The following SDK1 variants were observed in gnomAD, a reference collection of about 807,000 sequenced individuals.
SDK1 encodes protein sidekick-1.
A neutral mutation model predicts 245.5 loss-of-function variants in SDK1; 157 were observed. The observed-to-expected ratio is 0.64, with a 90% CI of 0.56 to 0.73. The LOEUF is 0.73. Ranked by LOEUF, SDK1 falls within the 30% of genes least tolerant of loss-of-function variation. SDK1 has a pLI of 0.00. For synonymous variants in SDK1, 1,647 were observed against 1,278.5 expected (o/e 1.29, Z -6.15); for missense variants, 3,583 against 3,002.3 (o/e 1.19, Z -4.52).
Position 4,204,328 on chromosome 7 carries a change from G to A in SDK1, c.5099-1551G>A, listed in dbSNP as rs372541510. On this transcript the variant is annotated intron_variant, in intron 35 of 44. Transcript: ENST00000404826. Reference sequence around the variant, plus strand: ...TTGTGTGATTCTGCTGTTTAATGGGGCGGTAAATAAGAATTTCTGATAATG... The same window carrying A: ...TTGTGTGATTCTGCTGTTTAATGGGACGGTAAATAAGAATTTCTGATAATG... 1.0e-3 allele frequency among the ~76,000 whole-genome samples: 154 copies of A among 152,158 alleles called. 3 individuals carry two copies. Among genetic ancestry groups the A allele is most frequent in the Non-Finnish European group, 3.5e-4 (24 of 68,030 alleles).
chr7:4,055,758 G>A (rs1263485800), intron 19 of SDK1, among the ~76,000 whole-genome samples: 1 of 152,070 alleles, frequency 6.6e-6, no homozygotes, highest in Non-Finnish European at 1.5e-5. Context: ...TTTCCAGTGT[G>A]AGCGTTTAGT....
chr7:3,565,188 T>C lies in SDK1; in HGVS notation c.299-53892T>C, dbSNP rs574466632. 5.3e-4 allele frequency among the ~76,000 whole-genome samples: 81 copies of C among 152,230 alleles called. 1 individual carries two copies. The highest frequency in any genetic ancestry group is 1.8e-3 in the African/African-American group (76 of 41,534). On this transcript the variant is annotated intron_variant, in intron 1 of 44. Coordinates refer to ENST00000404826, the MANE Select transcript of SDK1 (RefSeq NM_152744.4). Reference sequence around the variant, plus strand: ...CCCAGCAAACACATCTCTCCAGTCTTGCTTTCTTCCATCCGCTGTAGCAGG... The same window carrying C: ...CCCAGCAAACACATCTCTCCAGTCTCGCTTTCTTCCATCCGCTGTAGCAGG...
At chr7:3,861,117 T>C (rs927328899) in intron 5 of SDK1, among the ~76,000 whole-genome samples, 53 of 151,880 alleles carry the variant, frequency 3.5e-4, no homozygotes, top group African/African-American at 1.2e-3. Context: ...GAAAAATAGT[T>C]GCACATGATC....
chr7:4,023,873 A>G (rs1278534787), intron 17 of SDK1, among the ~76,000 whole-genome samples: 8 of 152,260 alleles, frequency 5.3e-5, no homozygotes, highest in Admixed American at 5.2e-4. Flanking sequence ...AACACTGGAC[A>G]CTGCCAGGAT....
chr7:3,615,618 G>A (rs1046629559), intron 1 of SDK1, among the ~76,000 whole-genome samples: 1 of 151,694 alleles, frequency 6.6e-6, no homozygotes, highest in African/African-American at 2.4e-5. Context: ...CATAGCATCA[G>A]TGCATGTTTA....
At chr7:3,964,730 C>T (rs1296861287) in intron 9 of SDK1, among the ~76,000 whole-genome samples, 1 of 152,114 alleles carries the variant, frequency 6.6e-6, no homozygotes, top group Non-Finnish European at 1.5e-5. Flanking sequence ...TGCTGATATC[C>T]TCAGGGGTGA....
chr7:4,226,856 C>G (rs1032878310), intron 40 of SDK1, among the ~76,000 whole-genome samples: 1 of 152,108 alleles, frequency 6.6e-6, no homozygotes, highest in African/African-American at 2.4e-5. Context: ...GCTAAAGGAA[C>G]TATAAATATA....
At chr7:3,612,352 T>G (rs747546911) in intron 1 of SDK1, among the ~76,000 whole-genome samples, 5 of 152,194 alleles carry the variant, frequency 3.3e-5, no homozygotes, top group Admixed American at 2.6e-4. Context: ...TATTTAAACC[T>G]CACCCCAGAA....
At chr7:3,634,701 T>A (rs1055753038) in intron 2 of SDK1, among the ~76,000 whole-genome samples, 3 of 152,234 alleles carry the variant, frequency 2.0e-5, no homozygotes, top group Non-Finnish European at 2.9e-5. Context: ...GAACATAATT[T>A]GTGTAGGAAT....
intron 5 of SDK1, among the ~76,000 whole-genome samples, chr7:3,837,454 T>C (rs1780053146): frequency 6.6e-6 from 1 of 152,206 alleles, no homozygotes; most frequent in Non-Finnish European, 1.5e-5. Flanking sequence ...CTATTCTTTG[T>C]TTTGGGAAAA....
At chr7:3,326,112 G>C (rs1779934528) in intron 1 of SDK1, among the ~76,000 whole-genome samples, 1 of 152,076 alleles carries the variant, frequency 6.6e-6, no homozygotes, top group African/African-American at 2.4e-5. Context: ...GCCTCCTAAT[G>C]GCTTAGTGTT....
At chr7:4,069,480 T>C (rs765399024) in intron 20 of SDK1, among the ~76,000 whole-genome samples, 1 of 152,200 alleles carries the variant, frequency 6.6e-6, no homozygotes, top group Non-Finnish European at 1.5e-5. Context: ...GTTGAGTGAG[T>C]TGCCCGTCCT....
rs762352913 is a variant in SDK1 at position 3,974,531 on chromosome 7, CCGG to C, written c.1982_1984del (p.Arg661del). 6.2e-7 allele frequency: 1 copy of C among 1,613,958 alleles called. No individual in the cohort carries two copies. The highest frequency in any genetic ancestry group is 8.5e-7 in the Non-Finnish European group (1 of 1,180,020). Reference sequence around the variant, plus strand: ...AAGGAGGGAATGACTCCAGGATGGCCCGGCTGGAAGTGATGTGAGTACTGAGAC... The same window carrying C: ...AAGGAGGGAATGACTCCAGGATGGCCCTGGAAGTGATGTGAGTACTGAGAC... On this transcript the variant is annotated inframe_deletion, in exon 13 of 45. Coordinates refer to ENST00000404826, the MANE Select transcript of SDK1 (RefSeq NM_152744.4).
At chr7:4,166,627 T>C (rs1008042080) in intron 32 of SDK1, among the ~76,000 whole-genome samples, 2 of 152,198 alleles carry the variant, frequency 1.3e-5, no homozygotes, top group African/African-American at 4.8e-5. Context: ...AGAATCCCTG[T>C]TCTACTCTCC....
intron 5 of SDK1, among the ~76,000 whole-genome samples, chr7:3,910,427 G>A (rs995080975): frequency 1.3e-5 from 2 of 152,050 alleles, no homozygotes; most frequent in African/African-American, 4.8e-5. Flanking sequence ...ATTTCCTGAA[G>A]AGGCCAGATT....
intron 4 of SDK1, among the ~76,000 whole-genome samples, chr7:3,653,675 C>T (rs1333343833): frequency 6.6e-6 from 1 of 152,108 alleles, no homozygotes; most frequent in Non-Finnish European, 1.5e-5. Flanking sequence ...CTCAGAGGAA[C>T]TGGGATTTGG....
At chr7:3,503,834 T>C (rs1782298209) in intron 1 of SDK1, among the ~76,000 whole-genome samples, 1 of 151,986 alleles carries the variant, frequency 6.6e-6, no homozygotes, top group Non-Finnish European at 1.5e-5. Context: ...TGTTTATGGA[T>C]TGGAAGACTT....
intron 4 of SDK1, among the ~76,000 whole-genome samples, chr7:3,795,534 G>A (rs1425128476): frequency 6.6e-6 from 1 of 152,138 alleles, no homozygotes; most frequent in Non-Finnish European, 1.5e-5. Flanking sequence ...AGGATTGGCT[G>A]CGCTCATGGA....
chr7:3,428,388 GTATGT>G (rs1317763952), intron 1 of SDK1, among the ~76,000 whole-genome samples: 6 of 152,354 alleles, frequency 3.9e-5, no homozygotes, highest in African/African-American at 1.4e-4. Context: ...AGGACTGCGA[GTATGT>G]TATAACCATT....
Sources: allele counts gnomAD v4.1 joint callset (sites outside exome capture counted in the v4.1 genomes callset), GRCh38; gene constraint gnomAD v4.1.1; transcripts MANE v1.5; gene names NCBI Gene and HGNC (gene_info 2026-07-23, HGNC 2026-07-21).